Variants in TASP1 observed in about 807,000 individuals in gnomAD.
TASP1 encodes threonine aspartase 1.
Under a neutral mutation model 56.6 loss-of-function variants are expected in TASP1, and 16 were observed. The ratio of observed to expected loss-of-function variants is 0.28; its 90% CI spans 0.19 to 0.43. The LOEUF is 0.43. TASP1 is among the 20% of genes least tolerant of loss of function. The probability of loss-of-function intolerance (pLI) is 1.00; values close to 1 mark genes in which losing one functional copy is unlikely to be tolerated. For missense variants in TASP1, 393 were observed against 511.6 expected (o/e 0.77, Z 2.24); for synonymous variants, 179 against 184.2 (o/e 0.97, Z 0.23).
chr20:13,460,603 T>TA (rs766437377), intron 11 of TASP1, among the ~76,000 whole-genome samples: 11 of 152,142 alleles, frequency 7.2e-5, no homozygotes, highest in Non-Finnish European at 1.5e-4. Flanking sequence ...CCACAAGACT[T>TA]ATTCTTCCTG....
At chr20:13,122,446 C>T in the TASP1 span, among the ~76,000 whole-genome samples, 26 of 152,196 alleles carry the variant, frequency 1.7e-4, no homozygotes, top group Non-Finnish European at 2.9e-4. Flanking sequence ...CCCCCTCACA[C>T]CACACCAAGC....
Position 13,459,057 on chromosome 20 carries a change from G to A in TASP1, c.986-23903C>T, listed in dbSNP as rs1390365536. Among the ~76,000 whole-genome samples the A allele has an allele frequency of 3.9e-5, 6 of 152,078 alleles. No homozygotes were observed. In the South Asian group the frequency reaches 6.2e-4, roughly 16 times the overall value. On this transcript the variant is annotated intron_variant, in intron 11 of 13. Transcript: ENST00000337743. Reference sequence around the variant, plus strand: ...GCAGTTCATCTACTGGCCCCTAGAGGCCACTCTCCATCACCCCTCAAAGAT... The same window carrying A: ...GCAGTTCATCTACTGGCCCCTAGAGACCACTCTCCATCACCCCTCAAAGAT...
chr20:13,279,575 T>C, the TASP1 span: 1 of 1,526,806 alleles, frequency 6.5e-7, no homozygotes. Flanking sequence ...CTTCCAAGGG[T>C]CATGTAGCTT....
At chr20:13,111,566 T>C in the TASP1 span, among the ~76,000 whole-genome samples, 1 of 152,218 alleles carries the variant, frequency 6.6e-6, no homozygotes, top group Admixed American at 6.5e-5. Context: ...AGGCCTTAAC[T>C]TGCAATTTTA....
intron 4 of TASP1, among the ~76,000 whole-genome samples, chr20:13,609,593 CA>C (rs2048277765): frequency 1.3e-5 from 2 of 148,222 alleles, no homozygotes; most frequent in Non-Finnish European, 1.5e-5. Flanking sequence ...GAGGCTGAGG[CA>C]GGAGAATAGC....
At chr20:13,270,067 G>A in the TASP1 span, among the ~76,000 whole-genome samples, 1 of 152,150 alleles carries the variant, frequency 6.6e-6, no homozygotes, top group Non-Finnish European at 1.5e-5. Context: ...ACTATATCCA[G>A]CTTGGTCAGA....
chr20:13,614,699 A>G, intron 4 of TASP1: 3 of 393,958 alleles, frequency 7.6e-6, no homozygotes, highest in Non-Finnish European at 5.2e-6. Flanking sequence ...TGAAAGCCAC[A>G]TAATTACAGT....
intron 11 of TASP1, among the ~76,000 whole-genome samples, chr20:13,476,947 GA>G (rs2042969949): frequency 6.6e-6 from 1 of 151,986 alleles, no homozygotes; most frequent in African/African-American, 2.4e-5. Flanking sequence ...TTTAGTGTTT[GA>G]AAAAGAGAAA....
chr20:13,229,152 T>TC, the TASP1 span, among the ~76,000 whole-genome samples: 6 of 114,324 alleles, frequency 5.2e-5, no homozygotes, highest in Non-Finnish European at 9.5e-5. Flanking sequence ...CTCTCTCTCT[T>TC]TCTGCATTTT....
chr20:13,409,539 T>C (rs1190484774), intron 13 of TASP1, among the ~76,000 whole-genome samples: 1 of 152,126 alleles, frequency 6.6e-6, no homozygotes, highest in Non-Finnish European at 1.5e-5. Context: ...CCAGCTTTCA[T>C]TTTTGAAAAT....
chr20:13,502,094 T>C (rs1266714060), intron 10 of TASP1, among the ~76,000 whole-genome samples: 1 of 151,982 alleles, frequency 6.6e-6, no homozygotes, highest in East Asian at 1.9e-4. Context: ...CATAAATTAG[T>C]AATTTTATAA....
At chr20:13,184,028 C>CAAAA in the TASP1 span, among the ~76,000 whole-genome samples, 9 of 61,388 alleles carry the variant, frequency 1.5e-4, no homozygotes, top group East Asian at 5.1e-4. Flanking sequence ...GACTCTGTCT[C>CAAAA]AAAAAAAAAA....
At chr20:13,207,323 T>C in the TASP1 span, among the ~76,000 whole-genome samples, 1 of 152,294 alleles carries the variant, frequency 6.6e-6, no homozygotes, top group South Asian at 2.1e-4. Context: ...ACTGACATAC[T>C]GTTGCTTTTA....
At chr20:13,436,865 T>C (rs571862190) in intron 11 of TASP1, among the ~76,000 whole-genome samples, 10 of 152,124 alleles carry the variant, frequency 6.6e-5, no homozygotes, top group African/African-American at 2.2e-4. Context: ...CTAAAGGTTT[T>C]TAGTTCGGCT....
the TASP1 span, among the ~76,000 whole-genome samples, chr20:13,360,899 C>G: frequency 6.6e-6 from 1 of 152,198 alleles, no homozygotes; most frequent in Non-Finnish European, 1.5e-5. Context: ...TTCCTTCTTT[C>G]CTGTTCCTCA....
chr20:13,490,122 T>G (rs930893670), intron 10 of TASP1, among the ~76,000 whole-genome samples: 1 of 152,174 alleles, frequency 6.6e-6, no homozygotes, highest in Admixed American at 6.6e-5. Context: ...CAGATGCCAT[T>G]AGCAGCAATA....
At chr20:13,398,363 GCTCT>G (rs1482456407) in intron 13 of TASP1, among the ~76,000 whole-genome samples, 1 of 151,524 alleles carries the variant, frequency 6.6e-6, no homozygotes, top group East Asian at 1.9e-4. Context: ...CCTGGCAGGT[GCTCT>G]CTCTTTAAAA....
At chr20:13,169,690 A>G in the TASP1 span, among the ~76,000 whole-genome samples, 6 of 152,118 alleles carry the variant, frequency 3.9e-5, no homozygotes, top group African/African-American at 1.4e-4. Flanking sequence ...ATTTTTTTTA[A>G]AGTTTTATAT....
At chr20:13,118,457 AAAC>A in the TASP1 span, among the ~76,000 whole-genome samples, 224 of 151,466 alleles carry the variant, frequency 1.5e-3, 5 homozygotes, top group African/African-American at 4.2e-3. Flanking sequence ...TGGAAAAAAA[AAAC>A]AAAAAAAAAC....
Sources: allele counts gnomAD v4.1 joint callset (sites outside exome capture counted in the v4.1 genomes callset), GRCh38; gene constraint gnomAD v4.1.1; transcripts MANE v1.5; gene names NCBI Gene and HGNC (gene_info 2026-07-23, HGNC 2026-07-21).